The following SCRG1 variants were observed in gnomAD, a reference collection of about 807,000 sequenced individuals.
SCRG1 encodes the protein stimulator of chondrogenesis 1.
In SCRG1, 3 loss-of-function variants were observed where a neutral mutation model predicts 7.7. That is an observed-to-expected ratio of 0.39 (90% CI 0.18 to 1.01). The LOEUF (loss-of-function observed/expected upper bound fraction) is 1.01. SCRG1 is among the 50% of genes least tolerant of loss of function. The pLI, the probability that SCRG1 is intolerant of heterozygous loss-of-function variation, is 0.36. For synonymous variants in SCRG1, 46 were observed against 41.2 expected (o/e 1.12, Z -0.44); for missense variants, 110 against 117.2 (o/e 0.94, Z 0.28).
the SCRG1 span, among the ~76,000 whole-genome samples, chr4:173,467,254 C>A: frequency 1.3e-5 from 2 of 151,940 alleles, no homozygotes; most frequent in Admixed American, 1.3e-4. Context: ...AGATATTTTC[C>A]TGTTGTAGTA....
At chr4:173,432,134 G>C in the SCRG1 span, among the ~76,000 whole-genome samples, 1 of 152,172 alleles carries the variant, frequency 6.6e-6, no homozygotes, top group African/African-American at 2.4e-5. Flanking sequence ...TTCTAGTTGA[G>C]TAGGAAGAAT....
the SCRG1 span, among the ~76,000 whole-genome samples, chr4:173,514,692 A>G: frequency 6.6e-6 from 1 of 152,222 alleles, no homozygotes; most frequent in Non-Finnish European, 1.5e-5. Context: ...TTAAGCTAGA[A>G]CTGTTTTCCT....
At chr4:173,483,204 TG>T in the SCRG1 span, among the ~76,000 whole-genome samples, 1 of 70,526 alleles carries the variant, frequency 1.4e-5, no homozygotes, top group Non-Finnish European at 2.8e-5. Flanking sequence ...ATATATTATA[TG>T]ATATATCATA....
the SCRG1 span, among the ~76,000 whole-genome samples, chr4:173,486,544 T>A: frequency 6.6e-6 from 1 of 152,180 alleles, no homozygotes; most frequent in African/African-American, 2.4e-5. Flanking sequence ...CTAGATCAGC[T>A]TTTGCATTTA....
At chr4:173,479,925 G>A in the SCRG1 span, among the ~76,000 whole-genome samples, 1,751 of 152,132 alleles carry the variant, frequency 0.012, 42 homozygotes, top group African/African-American at 0.04. Context: ...AGAAAACCAG[G>A]CTCAATGTGA....
At chr4:173,484,534 A>G in the SCRG1 span, among the ~76,000 whole-genome samples, 1 of 85,914 alleles carries the variant, frequency 1.2e-5, no homozygotes, top group Non-Finnish European at 2.0e-5. Flanking sequence ...TATATATTAT[A>G]TATTATGTAT....
the SCRG1 span, among the ~76,000 whole-genome samples, chr4:173,514,774 A>T: frequency 6.6e-6 from 1 of 152,218 alleles, no homozygotes. Context: ...TCTTTTGTTT[A>T]TGTCTCCTGC....
chr4:173,386,696 C>G lies in SCRG1; in HGVS notation c.*1645G>C, dbSNP rs1042875477. The G allele has an allele frequency of 1.3e-5, 2 of 152,162 alleles. No individual in the cohort carries two copies. Among genetic ancestry groups the G allele is most frequent in the East Asian group, 3.8e-4 (2 of 5,196 alleles). The allele number at this position is 152,162 out of a possible 1,614,324, so 9.4% of individuals were successfully genotyped here. On this transcript the variant is annotated 3_prime_UTR_variant, in exon 3 of 3. Coordinates refer to ENST00000296506, the MANE Select transcript of SCRG1 (RefSeq NM_007281.4). ...GTCACTTTTATTCATAAAATGATAT[C>G]TCCCAGATTGCCTGTGTGGTATGGT...
chr4:173,462,429 C>A, the SCRG1 span, among the ~76,000 whole-genome samples: 1 of 152,112 alleles, frequency 6.6e-6, no homozygotes, highest in African/African-American at 2.4e-5. Flanking sequence ...AAGAAAAAAA[C>A]CCTCTTGCCC....
the SCRG1 span, among the ~76,000 whole-genome samples, chr4:173,505,938 A>G: frequency 6.6e-6 from 1 of 152,140 alleles, no homozygotes; most frequent in African/African-American, 2.4e-5. The surrounding 1 kb of genome is among the most constrained non-coding windows in gnomAD (Gnocchi z 4.4). Flanking sequence ...AAGTGGAGAA[A>G]CGGCTGAGGT....
chr4:173,396,128 T>G (rs546346217), intron 1 of SCRG1, among the ~76,000 whole-genome samples: 1 of 152,314 alleles, frequency 6.6e-6, no homozygotes, highest in East Asian at 1.9e-4. Context: ...CTTGGGCTTT[T>G]GGCTTGAATG....
chr4:173,394,269 T>C (rs1739533123), intron 1 of SCRG1, among the ~76,000 whole-genome samples: 1 of 152,130 alleles, frequency 6.6e-6, no homozygotes, highest in African/African-American at 2.4e-5. Flanking sequence ...TCTTTTTTTT[T>C]CCGATATGCT....
At chr4:173,421,491 T>A in the SCRG1 span, among the ~76,000 whole-genome samples, 2 of 152,144 alleles carry the variant, frequency 1.3e-5, no homozygotes, top group East Asian at 3.8e-4. Context: ...ATCCATCTCC[T>A]GGGTCTGAAA....
At chr4:173,436,221 G>A in the SCRG1 span, among the ~76,000 whole-genome samples, 1 of 152,166 alleles carries the variant, frequency 6.6e-6, no homozygotes, top group African/African-American at 2.4e-5. Context: ...TCCACCAGGC[G>A]TGTGGCTTTT....
chr4:173,390,335 A>G (rs1222759524), intron 2 of SCRG1, among the ~76,000 whole-genome samples: 1 of 152,200 alleles, frequency 6.6e-6, no homozygotes, highest in Non-Finnish European at 1.5e-5. Flanking sequence ...ATGGTAGATA[A>G]ATTGTCTTGA....
At chr4:173,389,006 A>G (rs2126912433) in intron 2 of SCRG1, among the ~76,000 whole-genome samples, 1 of 152,352 alleles carries the variant, frequency 6.6e-6, no homozygotes, top group South Asian at 2.1e-4. Context: ...AGACATAATC[A>G]CAAAATTATA....
chr4:173,500,471 T>TG, the SCRG1 span, among the ~76,000 whole-genome samples: 22,027 of 98,724 alleles, frequency 0.22, 1,977 homozygotes, highest in African/African-American at 0.28. Flanking sequence ...CTTAGTAAAT[T>TG]TTGTGTGTGT....
At chr4:173,476,084 T>A in the SCRG1 span, among the ~76,000 whole-genome samples, 1 of 151,668 alleles carries the variant, frequency 6.6e-6, no homozygotes, top group African/African-American at 2.4e-5. Flanking sequence ...AATGGTAAAT[T>A]TTATATTATA....
chr4:173,506,478 C>T, the SCRG1 span, among the ~76,000 whole-genome samples: 2 of 152,260 alleles, frequency 1.3e-5, no homozygotes, highest in African/African-American at 4.8e-5. The surrounding 1 kb of genome is among the most constrained non-coding windows in gnomAD (Gnocchi z 5.3). Flanking sequence ...CTCTTTGCAC[C>T]TCAATTTTCT....
Sources: gnomAD v4.1 joint callset for allele counts (sites outside exome capture counted in the v4.1 genomes callset) on GRCh38, gnomAD v4.1.1 for gene constraint, Gnocchi (gnomAD v3.1) non-coding constraint, MANE v1.5 for transcripts, NCBI Gene and HGNC (gene_info 2026-07-23, HGNC 2026-07-21) for gene names.